The following ERCC5 variants were observed in gnomAD, a reference collection of about 807,000 sequenced individuals.
ERCC5 encodes DNA excision repair protein ERCC-5.
In ERCC5, 68 loss-of-function variants were observed where a neutral mutation model predicts 105.6. That is an observed-to-expected ratio of 0.64 (90% confidence interval 0.53 to 0.79). The LOEUF (loss-of-function observed/expected upper bound fraction) is 0.79. Ranked by LOEUF, ERCC5 falls within the 30% of genes least tolerant of loss-of-function variation. The pLI is 0.00. For synonymous variants in ERCC5, 546 were observed against 526.2 expected (o/e 1.04, Z -0.51); for missense variants, 1,373 against 1,426.7 (o/e 0.96, Z 0.61).
In ERCC5 at chr13:102,875,644, C is replaced by G; in HGVS notation, c.3302C>G (p.Ser1101Ter). The G allele has an allele frequency of 6.2e-7, 1 of 1,614,094 alleles. No homozygotes were observed. Among genetic ancestry groups the G allele is most frequent in the South Asian group, 1.1e-5 (1 of 91,072 alleles). ...CTCTCAGAATCATCTGATGGATCTT[C>G]AAGTGAAGATGCTGAAAGTTCATCT... ...TCLSESSDGS[S>*]SEDAESSSLM... Residue 1101 changes from serine to a stop codon, truncating the protein, a stop_gained, in exon 15 of 15, where the codon TCA becomes TGA. Coordinates refer to ENST00000652225, the MANE Select transcript of ERCC5 (RefSeq NM_000123.4). LOFTEE classifies it low-confidence loss of function (END_TRUNC).
intron 14 of ERCC5, among the ~76,000 whole-genome samples, chr13:102,874,520 T>A (rs559246867): frequency 1.1e-4 from 17 of 152,226 alleles, no homozygotes; most frequent in Admixed American, 7.2e-4. Context: ...CATATAGCTT[T>A]ACCCATATAT....
chr13:102,860,265 G>A (rs1044448293), intron 6 of ERCC5, among the ~76,000 whole-genome samples: 4 of 152,156 alleles, frequency 2.6e-5, no homozygotes, highest in African/African-American at 9.7e-5. Context: ...GAAAAAAATC[G>A]TATTCTGGCT....
chr13:102,864,729 G>T (rs1182707158), intron 8 of ERCC5: 1 of 152,176 alleles, frequency 6.6e-6, no homozygotes, highest in East Asian at 1.9e-4. Context: ...ACCACAAGCT[G>T]GATGTGAGTG....
chr13:102,866,839 C>T lies in ERCC5; in HGVS notation c.2527C>T (p.Gln843Ter). The change falls in exon 11 of 15, where the codon CAA becomes TAA. Residue 843 changes from glutamine to a stop codon, truncating the protein, a stop_gained. Coordinates refer to ENST00000652225, the MANE Select transcript of ERCC5 (RefSeq NM_000123.4). LOFTEE classifies it high-confidence loss of function. The part of the protein sequence containing the change: ...EYYQYVDFHN[Q>*]LGLDRNKLIN... ...TTATCAATATGTGGACTTTCACAAT[C>T]AATTGGGTAAGACTTCAGAGTCTTT... is the stretch of plus-strand genomic sequence containing the variant. 2 of 1,608,752 alleles carry T rather than the reference C, an allele frequency of 1.2e-6. No individual in the cohort carries two copies. Among genetic ancestry groups the T allele is most frequent in the Non-Finnish European group, 1.7e-6 (2 of 1,176,754 alleles).
Position 102,859,232 on chromosome 13 carries a change from C to G in ERCC5, c.672+814C>G, listed in dbSNP as rs4150301. 6.6e-5 allele frequency among the ~76,000 whole-genome samples: 10 copies of G among 152,264 alleles called. 1 individual carries two copies. In the East Asian group the frequency reaches 1.5e-3, roughly 23 times the overall value. Reference sequence around the variant, plus strand: ...CCATTCACCCACTATAGGACAGAATCGAAATTTTGCAGCATCATCGACCTT... The same window carrying G: ...CCATTCACCCACTATAGGACAGAATGGAAATTTTGCAGCATCATCGACCTT... On this transcript the variant is annotated intron_variant, in intron 6 of 14. Transcript: ENST00000652225.
rs953446261 is a variant in ERCC5, at chr13:102,862,192, T to G, written c.1043T>G (p.Met348Arg). The change falls in exon 8 of 15, where the codon ATG (methionine) becomes AGG (arginine). Residue 348 changes from methionine to arginine, a missense_variant. By Grantham distance (91) the Met-to-Arg change is moderately conservative (BLOSUM62 -1). Coordinates refer to ENST00000652225, the MANE Select transcript of ERCC5 (RefSeq NM_000123.4). ...CCTTCTCCAAGAACTTTACTAGCTATGCAAGCTGCCCTGCTGGGAAGTAGC... is the reference window on the plus strand; with the variant it reads ...CCTTCTCCAAGAACTTTACTAGCTAGGCAAGCTGCCCTGCTGGGAAGTAGC... ...TPPSPRTLLA[M>R]QAALLGSSSE... The G allele has an allele frequency of 2.5e-6, 4 of 1,614,068 alleles. No homozygotes were observed. The African/African-American group carries it at 5.3e-5, about 22-fold the overall frequency.
chr13:102,847,409 T>C (rs1595373770), intron 1 of ERCC5, among the ~76,000 whole-genome samples: 1 of 149,822 alleles, frequency 6.7e-6, no homozygotes, highest in African/African-American at 2.5e-5. Flanking sequence ...GTGGAAAGAG[T>C]CCTGTAAATG....
At chr13:102,866,209 A>G in intron 9 of ERCC5, 53 bp from the exon 10 acceptor site, 1 of 1,606,280 alleles carries the variant, frequency 6.2e-7, no homozygotes, top group Non-Finnish European at 8.5e-7. Flanking sequence ...TTTTGTAAAC[A>G]AAACTCATTT....
chr13:102,872,509 A>G, intron 13 of ERCC5, 111 bp downstream of exon 13: 1 of 1,271,768 alleles, frequency 7.9e-7, no homozygotes, highest in Non-Finnish European at 1.1e-6. Context: ...CGTTAATCCC[A>G]TTTTCTTAAT....
intron 8 of ERCC5, among the ~76,000 whole-genome samples, chr13:102,864,024 G>A (rs1165816254): frequency 1.3e-5 from 2 of 151,856 alleles, no homozygotes; most frequent in Admixed American, 6.6e-5. Context: ...GCATATGTGT[G>A]TATATGCACA....
At position 102,858,293 on chromosome 13, in the gene ERCC5, C is replaced by T; in HGVS notation, c.547C>T (p.Pro183Ser). The stretch of plus-strand genomic sequence containing the variant: ...TTTACAGGAAGAGTTCTTTCATAAT[C>T]CTCAAGCGATAGATATTGAGTCTGA... ...QALQEEFFHN[P>S]QAIDIESEDF... Residue 183 changes from proline (P) to serine (S), a missense_variant, in exon 6 of 15, where the codon CCT becomes TCT. By Grantham distance (74) the Pro-to-Ser change is moderately conservative. Transcript: ENST00000652225. The T allele has an allele frequency of 6.2e-7, 1 of 1,614,124 alleles. No homozygotes were observed. Among genetic ancestry groups the T allele is most frequent in the Non-Finnish European group, 8.5e-7 (1 of 1,180,010 alleles).
rs1882684197 is a variant in ERCC5, at chr13:102,862,731, A to G, written c.1582A>G (p.Thr528Ala). 5.0e-6 allele frequency: 8 copies of G among 1,614,118 alleles called. No homozygotes were observed. The highest frequency in any genetic ancestry group is 6.8e-6 in the Non-Finnish European group (8 of 1,180,050). The change falls in exon 8 of 15, where the codon ACT becomes GCT. Residue 528 changes from threonine to alanine, a missense_variant. Coordinates refer to ENST00000652225, the MANE Select transcript of ERCC5 (RefSeq NM_000123.4). ...AAGGGAACTGACACCGGCATCTCCAACTTGTACAAATTCTGTGTCAAAGAA... is the reference window on the plus strand; with the variant it reads ...AAGGGAACTGACACCGGCATCTCCAGCTTGTACAAATTCTGTGTCAAAGAA... ...NGRELTPASP[T>A]CTNSVSKNET...
chr13:102,866,460 A>G, intron 10 of ERCC5, 79 bp downstream of exon 10: 1 of 1,611,572 alleles, frequency 6.2e-7, no homozygotes, highest in Non-Finnish European at 8.5e-7. Flanking sequence ...GGGGGTATGC[A>G]CTGTGCCCCC....
chr13:102,871,631 A>T (rs1401314683), intron 12 of ERCC5, among the ~76,000 whole-genome samples: 1 of 151,656 alleles, frequency 6.6e-6, no homozygotes, highest in Non-Finnish European at 1.5e-5. Flanking sequence ...ATATATATAT[A>T]AAATGTTAAA....
At position 102,862,498 on chromosome 13, in the gene ERCC5, G is replaced by A; in HGVS notation, c.1349G>A (p.Ser450Asn). 1 of 1,614,168 alleles carries A rather than the reference G, an allele frequency of 6.2e-7. No homozygotes were observed. The highest frequency in any genetic ancestry group is 1.1e-5 in the South Asian group (1 of 91,078). Residue 450 changes from serine to asparagine, a missense_variant, in exon 8 of 15, where the codon AGT becomes AAT. Coordinates refer to ENST00000652225, the MANE Select transcript of ERCC5 (RefSeq NM_000123.4). ...IPFTATLASSSVNSAEEHVAS... is the reference protein window; with the variant it reads ...IPFTATLASSNVNSAEEHVAS... Reference sequence around the variant, plus strand: ...TTTACTGCAACACTTGCGTCATCTAGTGTGAACTCTGCAGAGGAGCACGTA... The same window carrying A: ...TTTACTGCAACACTTGCGTCATCTAATGTGAACTCTGCAGAGGAGCACGTA...
intron 8 of ERCC5, among the ~76,000 whole-genome samples, chr13:102,863,532 C>A (rs4150323): frequency 0.025 from 3,780 of 152,162 alleles, 168 homozygotes; most frequent in African/African-American, 0.087. Flanking sequence ...TCATATATCT[C>A]CAAATCTGTA....
chr13:102,865,702 G>A lies in ERCC5; in HGVS notation c.1990G>A (p.Glu664Lys). 6.2e-7 allele frequency: 1 copy of A among 1,613,802 alleles called. No homozygotes were observed. Among genetic ancestry groups the A allele is most frequent in the Non-Finnish European group, 8.5e-7 (1 of 1,179,850 alleles). Residue 664 changes from glutamate to lysine, a missense_variant, in exon 9 of 15, where the codon GAG becomes AAG. Glu to Lys is a moderately conservative substitution (Grantham distance 56, BLOSUM62 1). Around this residue, in one of 3 missense-constraint regions of ERCC5, gnomAD observed 1,004 missense variants for 1,059.7 expected, o/e 0.95. Transcript: ENST00000652225. This position sits in a 1 kb window ranked among gnomAD's most constrained non-coding sequence, Gnocchi z 4.0. ...TGAAGTGCAAAGTGTGATTAGTGAT[G>A]AGGAACTTCAAGCAGAATTCCCTGA... Reference protein sequence around the residue: ...FIEVQSVISDEELQAEFPETS... With the variant: ...FIEVQSVISDKELQAEFPETS...
chr13:102,862,385 AG>A lies in ERCC5; in HGVS notation c.1239del (p.Pro414GlnfsTer8). 1.9e-6 allele frequency: 3 copies of A among 1,614,084 alleles called. No individual in the cohort carries two copies. The highest frequency in any genetic ancestry group is 2.5e-6 in the Non-Finnish European group (3 of 1,180,016). On this transcript the variant is annotated frameshift_variant, in exon 8 of 15. Transcript: ENST00000652225. LOFTEE classifies it high-confidence loss of function. ...VCAGDDVQTG[G>X]PGAEEMRINS... ...GTGCTGGGGATGATGTGCAGACGGG[AG>A]GGCCAGGAGCAGAAGAAATGCGTAT...
Position 102,875,505 on chromosome 13 carries a change from A to T in ERCC5, c.3163A>T (p.Thr1055Ser), listed in dbSNP as rs759838916. ...FELLDKAKGK[T>S]QKRGITNTLE... ...GCTACTTGATAAGGCAAAAGGAAAA[A>T]CCCAGAAGAGAGGCATAACAAATAC... The change falls in exon 15 of 15, where the codon ACC (threonine) becomes TCC (serine). Residue 1055 changes from threonine to serine, a missense_variant. Physicochemically the swap from Thr to Ser is moderately conservative, Grantham distance 58. Coordinates refer to ENST00000652225, the MANE Select transcript of ERCC5 (RefSeq NM_000123.4). The T allele has an allele frequency of 1.9e-6, 3 of 1,614,146 alleles. No homozygotes were observed. The South Asian group carries it at 3.3e-5, about 18-fold the overall frequency.
Sources: allele counts gnomAD v4.1 joint callset (sites outside exome capture counted in the v4.1 genomes callset), GRCh38; gene constraint gnomAD v4.1.1; regional missense constraint gnomAD v4.1.1; non-coding constraint Gnocchi (gnomAD v3.1); transcripts MANE v1.5; gene names NCBI Gene and HGNC (gene_info 2026-07-23, HGNC 2026-07-21).